Variants in SLC44A5 observed in about 807,000 individuals in gnomAD.
The protein encoded by SLC44A5 is solute carrier family 44 member 5.
A neutral mutation model predicts 101.8 loss-of-function variants in SLC44A5; 57 were observed. The ratio of observed to expected loss-of-function variants is 0.56; its 90% CI spans 0.45 to 0.70. The LOEUF is 0.70. Ranked by LOEUF, SLC44A5 falls within the 30% of genes least tolerant of loss-of-function variation. The probability of loss-of-function intolerance (pLI) is 0.00; values close to 1 mark genes in which losing one functional copy is unlikely to be tolerated. For synonymous variants in SLC44A5, 281 were observed against 290.9 expected, an observed-to-expected ratio of 0.97 and a Z score of 0.35; for missense variants, 737 against 853.1, an observed-to-expected ratio of 0.86 and a Z score of 1.70.
At position 75,287,426 on chromosome 1, in the gene SLC44A5, C is replaced by CTTTTTTTTT. The variant is rs371647505; in HGVS notation, c.176-12393_176-12385dup. Among the ~76,000 whole-genome samples, 10 of 69,908 alleles carry CTTTTTTTTT rather than the reference C, an allele frequency of 1.4e-4. 2 individuals are homozygous for CTTTTTTTTT. Among genetic ancestry groups the CTTTTTTTTT allele is most frequent in the African/African-American group, 3.0e-4 (5 of 16,664 alleles). 45.9% of individuals were successfully genotyped at this position (69,908 alleles called of 152,430 possible). On this transcript the variant is annotated intron_variant, in intron 5 of 23. Coordinates refer to ENST00000370859, the MANE Select transcript of SLC44A5 (RefSeq NM_001130058.2). Reference sequence around the variant, plus strand: ...AGCTTAATAATTGACCTTCTGAATTCTTTTTTTTTTTTTTTTTTTTTTTGG... The same window carrying CTTTTTTTTT: ...AGCTTAATAATTGACCTTCTGAATTCTTTTTTTTTTTTTTTTTTTTTTTTTTTTTTTTGG...
At chr1:75,324,456 A>T (rs1656418893) in intron 4 of SLC44A5, among the ~76,000 whole-genome samples, 1 of 152,244 alleles carries the variant, frequency 6.6e-6, no homozygotes, top group Admixed American at 6.5e-5. Flanking sequence ...AAAATATAGC[A>T]CTATGGTCTT....
chr1:75,290,391 C>T (rs1049528954), intron 5 of SLC44A5, among the ~76,000 whole-genome samples: 1 of 152,094 alleles, frequency 6.6e-6, no homozygotes. Context: ...GTATGAACAG[C>T]GTGAAGGGAA....
intron 5 of SLC44A5, among the ~76,000 whole-genome samples, chr1:75,286,337 C>T (rs1358601469): frequency 6.6e-6 from 1 of 152,016 alleles, no homozygotes; most frequent in Non-Finnish European, 1.5e-5. Flanking sequence ...TTTTTCCACC[C>T]CTTTACCTTA....
At chr1:75,243,879 C>T (rs1648878813) in intron 7 of SLC44A5, among the ~76,000 whole-genome samples, 2 of 151,956 alleles carry the variant, frequency 1.3e-5, no homozygotes, top group African/African-American at 4.8e-5. Flanking sequence ...AGGGCAGATC[C>T]TCCTTGTTCT....
At chr1:75,212,033 G>A (rs565844211) in intron 22 of SLC44A5, among the ~76,000 whole-genome samples, 1 of 152,140 alleles carries the variant, frequency 6.6e-6, no homozygotes, top group South Asian at 2.1e-4. Context: ...GTGATCCAGG[G>A]ACTCTTGCCA....
upstream of SLC44A5, among the ~76,000 whole-genome samples, chr1:75,615,283 G>T (rs954499375): frequency 6.6e-6 from 1 of 151,994 alleles, no homozygotes; most frequent in Admixed American, 6.6e-5. Flanking sequence ...GAGGCAGCCA[G>T]CTCCAATCTC....
intron 3 of SLC44A5, among the ~76,000 whole-genome samples, chr1:75,372,256 A>G (rs1368834218): frequency 6.6e-6 from 1 of 151,798 alleles, no homozygotes; most frequent in Non-Finnish European, 1.5e-5. Context: ...AGTGAGTCAG[A>G]GATCAAATGC....
At chr1:75,334,958 T>C (rs1657327795) in intron 4 of SLC44A5, among the ~76,000 whole-genome samples, 1 of 152,162 alleles carries the variant, frequency 6.6e-6, no homozygotes, top group African/African-American at 2.4e-5. Context: ...CTTGGCTGAC[T>C]CTTCAGTTAA....
At chr1:75,339,549 A>C (rs1349970793) in intron 4 of SLC44A5, 33 bp downstream of exon 4, 1 of 1,581,510 alleles carries the variant, frequency 6.3e-7, no homozygotes, top group African/African-American at 1.4e-5. Flanking sequence ...TGTATGTTTA[A>C]AAAAGCATAT....
chr1:75,222,327 C>T, intron 14 of SLC44A5, 34 bp downstream of exon 14: 1 of 1,463,166 alleles, frequency 6.8e-7, no homozygotes, highest in Non-Finnish European at 9.6e-7. Flanking sequence ...CTGACTGATA[C>T]ACTTTAGCTG....
chr1:75,387,543 T>G, intron 3 of SLC44A5, among the ~76,000 whole-genome samples: 7 of 59,884 alleles, frequency 1.2e-4, no homozygotes, highest in East Asian at 4.2e-4. Context: ...ATGGCAATCA[T>G]TAAAAAGTCA....
In SLC44A5 at chr1:75,330,210, C is replaced by G. The variant is rs562880449; in HGVS notation, c.101+9372G>C. Among the ~76,000 whole-genome samples, 125 of 99,630 alleles carry G rather than the reference C, an allele frequency of 1.3e-3. No individual in the cohort carries two copies. In the Admixed American group the frequency reaches 0.015, roughly 12 times the overall value. 65.4% of individuals were successfully genotyped at this position (99,630 alleles called of 152,430 possible). ...ATACGTATATGCATATATATATATT[C>G]TAGATTAATAATATATGAGGCTTCA... On this transcript the variant is annotated intron_variant, in intron 4 of 23. Transcript: ENST00000370859.
intron 1 of SLC44A5, among the ~76,000 whole-genome samples, chr1:75,609,850 C>T (rs1426683859): frequency 1.3e-5 from 2 of 151,894 alleles, no homozygotes; most frequent in Non-Finnish European, 2.9e-5. Flanking sequence ...AACCTATTAC[C>T]CCCAAATTTT....
At chr1:75,557,049 T>A (rs12139808) in intron 1 of SLC44A5, among the ~76,000 whole-genome samples, 1,684 of 152,254 alleles carry the variant, frequency 0.011, 18 homozygotes, top group Middle Eastern at 0.027. Flanking sequence ...AGAACTGTGT[T>A]ACATGGTCAC....
At chr1:75,673,091 T>C in the SLC44A5 span, among the ~76,000 whole-genome samples, 1 of 152,110 alleles carries the variant, frequency 6.6e-6, no homozygotes, top group Admixed American at 6.5e-5. Context: ...AATGGGACTT[T>C]ATCTTGTAGC....
At chr1:75,235,028 TTATC>T in intron 11 of SLC44A5, among the ~76,000 whole-genome samples, 1 of 152,080 alleles carries the variant, frequency 6.6e-6, no homozygotes. Context: ...GTCTCAAGTG[TTATC>T]TTTTTATTAT....
At chr1:75,220,760 A>G (rs1647060635) in intron 14 of SLC44A5, among the ~76,000 whole-genome samples, 1 of 152,144 alleles carries the variant, frequency 6.6e-6, no homozygotes, top group South Asian at 2.1e-4. Context: ...GAGAAATAAG[A>G]TGAAAATCTT....
At chr1:75,391,691 C>T (rs1433040336) in intron 3 of SLC44A5, among the ~76,000 whole-genome samples, 2 of 152,090 alleles carry the variant, frequency 1.3e-5, no homozygotes, top group African/African-American at 4.8e-5. Flanking sequence ...GAAACTAGAC[C>T]TCCTACCTAT....
chr1:75,414,324 T>C lies in SLC44A5; in HGVS notation c.14-17703A>G, dbSNP rs1003736319. 4.7e-3 allele frequency among the ~76,000 whole-genome samples: 689 copies of C among 145,964 alleles called. 6 individuals carry two copies. Among genetic ancestry groups the C allele is most frequent in the African/African-American group, 0.016 (644 of 39,726 alleles). The stretch of plus-strand genomic sequence containing the variant: ...ATACATACATACATACATATCCACA[T>C]ACACACACACACACACACACACACA... On this transcript the variant is annotated intron_variant, in intron 2 of 23. Coordinates refer to ENST00000370859, the MANE Select transcript of SLC44A5 (RefSeq NM_001130058.2).
Sources: allele counts gnomAD v4.1 joint callset (sites outside exome capture counted in the v4.1 genomes callset), GRCh38; gene constraint gnomAD v4.1.1; transcripts MANE v1.5; gene names NCBI Gene and HGNC (gene_info 2026-07-23, HGNC 2026-07-21).